Variants in CASP14 observed in about 807,000 individuals in gnomAD.
CASP14 encodes caspase 14, also known as caspase-14.
In CASP14, 27 loss-of-function variants were observed where a neutral mutation model predicts 28.4. That is an observed-to-expected ratio of 0.95 (90% CI 0.70 to 1.31). CASP14 has a LOEUF of 1.31. Among genes scored for constraint, CASP14 ranks in the 50% most tolerant of loss-of-function variants. The probability of loss-of-function intolerance (pLI) is 0.00; values close to 1 mark genes in which losing one functional copy is unlikely to be tolerated. For synonymous variants in CASP14, 115 were observed against 118.6 expected (o/e 0.97, Z 0.20); for missense variants, 323 against 312.8 (o/e 1.03, Z -0.25).
At position 15,053,113 on chromosome 19, in the gene CASP14, G is replaced by T. The variant is rs558847319; in HGVS notation, c.28-369G>T. Among the ~76,000 whole-genome samples, 16 of 152,084 alleles carry T rather than the reference G, an allele frequency of 1.1e-4. No individual in the cohort carries two copies. In the East Asian group the frequency reaches 2.9e-3, roughly 28 times the overall value. On this transcript the variant is annotated intron_variant, in intron 2 of 6. Coordinates refer to ENST00000427043, the MANE Select transcript of CASP14 (RefSeq NM_012114.3). ...CCTAAGCCCAAGCCTCTCTTGTTTT[G>T]TTTGTTCATTTTTGAGACAGGGTCT...
intron 1 of CASP14, among the ~76,000 whole-genome samples, chr19:15,051,944 C>A (rs2158467): frequency 2.6e-5 from 4 of 151,386 alleles, no homozygotes; most frequent in African/African-American, 9.7e-5. Flanking sequence ...TTTTTGGGGG[C>A]GGAGTGGGGG....
chr19:15,050,307 TGA>T (rs145185856), intron 1 of CASP14, among the ~76,000 whole-genome samples: 53,452 of 133,456 alleles, frequency 0.4, 9,568 homozygotes, highest in Middle Eastern at 0.43. Flanking sequence ...TGTGTGTGTG[TGA>T]GTGTGTGTGT....
At chr19:15,055,943 A>T in intron 6 of CASP14, 42 bp from the exon 7 acceptor site, 1 of 1,516,012 alleles carries the variant, frequency 6.6e-7, no homozygotes, top group Non-Finnish European at 9.0e-7. Context: ...CCATAAGTCC[A>T]TGACACTGAC....
chr19:15,056,969 A>T lies in CASP14; in HGVS notation c.*880A>T, dbSNP rs1430929242. ...TGACTTCCAGCCCAGCCTCTTTTCC[A>T]CAACCTGCTAAATCCTGATCCATCT... On this transcript the variant is annotated 3_prime_UTR_variant, in exon 7 of 7. Coordinates refer to ENST00000427043, the MANE Select transcript of CASP14 (RefSeq NM_012114.3). 1 of 152,184 alleles carries T rather than the reference A, an allele frequency of 6.6e-6. No individual in the cohort carries two copies. Among genetic ancestry groups the T allele is most frequent in the Non-Finnish European group, 1.5e-5 (1 of 68,018 alleles). 9.4% of individuals were successfully genotyped at this position (152,184 alleles called of 1,614,324 possible).
At position 15,051,472 on chromosome 19, in the gene CASP14, C is replaced by G. The variant is rs547137291; in HGVS notation, c.-46-734C>G. On this transcript the variant is annotated intron_variant, in intron 1 of 6. Coordinates refer to ENST00000427043, the MANE Select transcript of CASP14 (RefSeq NM_012114.3). ...CGAGATCATGCCACTGCACCCCAGA[C>G]AGCCTGGGTGACAGAGTGAGATTCT... Among the ~76,000 whole-genome samples the G allele has an allele frequency of 7.7e-5, 10 of 130,580 alleles. No homozygotes were observed. The East Asian group carries it at 2.2e-3, about 29-fold the overall frequency. 85.7% of individuals were successfully genotyped at this position (130,580 alleles called of 152,430 possible).
chr19:15,052,601 A>G (rs1245011835), intron 2 of CASP14, among the ~76,000 whole-genome samples: 1 of 152,210 alleles, frequency 6.6e-6, no homozygotes, highest in Non-Finnish European at 1.5e-5. Context: ...TGGGGTGCTC[A>G]GTACGCTGCT....
intron 2 of CASP14, 74 bp from the exon 3 acceptor site, chr19:15,053,408 T>C (rs1448795633): frequency 6.3e-7 from 1 of 1,581,548 alleles, no homozygotes; most frequent in Middle Eastern, 1.8e-4. Flanking sequence ...ACACCCAGCC[T>C]GCATGCCTCT....
intron 6 of CASP14, 121 bp downstream of exon 6, chr19:15,055,654 A>C: frequency 1.0e-5 from 7 of 685,896 alleles, no homozygotes; most frequent in East Asian, 5.4e-5. Flanking sequence ...GCCAGATCTC[A>C]ATACAGAAAC....
In CASP14 at chr19:15,055,215, A is replaced by G. The variant is rs1423438926; in HGVS notation, c.461A>G (p.Asp154Gly). ...GATGAGATTGTGATGGTCATCAAAG[A>G]CAGCCCACAAACCATCCCAACATAC... is the stretch of plus-strand genomic sequence containing the variant. The part of the protein sequence containing the change: ...GGDEIVMVIK[D>G]SPQTIPTYTD... The change falls in exon 5 of 7, where the codon GAC (aspartate) becomes GGC (glycine). Residue 154 changes from aspartate to glycine, a missense_variant. Asp to Gly is a moderately conservative substitution (Grantham distance 94, BLOSUM62 -1). Transcript: ENST00000427043. The G allele has an allele frequency of 1.2e-6, 2 of 1,613,340 alleles. No homozygotes were observed. The highest frequency in any genetic ancestry group is 1.3e-5 in the African/African-American group (1 of 74,888).
In CASP14 at chr19:15,055,150, T is replaced by C; in HGVS notation, c.404-8T>C. The C allele has an allele frequency of 1.2e-6, 2 of 1,611,892 alleles. No individual in the cohort carries two copies. The highest frequency in any genetic ancestry group is 1.7e-6 in the Non-Finnish European group (2 of 1,177,988). On this transcript the variant is annotated splice_polypyrimidine_tract_variant and splice_region_variant and intron_variant, in intron 4 of 6. Transcript: ENST00000427043. ...TGACTTTGCCTCCTCCTCTTCTTGT[T>C]GTTTCAGAACAAAGGGACCCCGGTG...
rs552598273 is a variant in CASP14, at chr19:15,053,916, C to T, written c.361C>T (p.Arg121Ter). 14 of 1,614,028 alleles carry T rather than the reference C, an allele frequency of 8.7e-6. No individual in the cohort carries two copies. The highest frequency in any genetic ancestry group is 8.3e-5 in the Admixed American group (5 of 60,016). ...ALNNKNCQAL[R>*]AKPKVYIIQA... ...GAACAACAAGAACTGCCAGGCCCTG[C>T]GAGCTAAGCCCAAGGTGTACATCAT... Residue 121 changes from arginine to a stop codon, truncating the protein, a stop_gained, in exon 4 of 7, where the codon CGA becomes TGA. Transcript: ENST00000427043. LOFTEE classifies it high-confidence loss of function.
intron 4 of CASP14, 195 bp from the exon 5 acceptor site, chr19:15,054,963 G>A (rs557602899): frequency 2.0e-5 from 11 of 552,894 alleles, no homozygotes; most frequent in Middle Eastern, 4.8e-4. Context: ...TTTAAGAGGC[G>A]ACATCTCGCT....
chr19:15,057,507 C>T lies in CASP14; in HGVS notation c.*1418C>T, dbSNP rs1327859316. 1 of 152,542 alleles carries T rather than the reference C, an allele frequency of 6.6e-6. No individual in the cohort carries two copies. The highest frequency in any genetic ancestry group is 1.5e-5 in the Non-Finnish European group (1 of 68,292). The allele number at this position is 152,542 out of a possible 1,614,324, so 9.4% of individuals were successfully genotyped here. On this transcript the variant is annotated 3_prime_UTR_variant, in exon 7 of 7. Coordinates refer to ENST00000427043, the MANE Select transcript of CASP14 (RefSeq NM_012114.3). Reference sequence around the variant, plus strand: ...ACCAACTTCCTCCCTTGCCTCTCTGCTTTTCCATCCCACTTTTCATGTGTC... The same window carrying T: ...ACCAACTTCCTCCCTTGCCTCTCTGTTTTTCCATCCCACTTTTCATGTGTC...
intron 4 of CASP14, among the ~76,000 whole-genome samples, chr19:15,054,406 C>G (rs1357742200): frequency 7.9e-5 from 12 of 152,118 alleles, no homozygotes; most frequent in Admixed American, 7.9e-4. Flanking sequence ...TAACAAGAAC[C>G]CAGCTCTATG....
rs541409516 is a variant in CASP14 at position 15,053,777 on chromosome 19, C to A, written c.222C>A (p.Ser74=). ...ELEKFQQAID[S]REDPVSCAFV... Reference sequence around the variant, plus strand: ...AAAAATTCCAGCAGGCCATCGATTCCCGGGAAGATCCCGTCAGTTGTGCCT... The same window carrying A: ...AAAAATTCCAGCAGGCCATCGATTCACGGGAAGATCCCGTCAGTTGTGCCT... The change falls in exon 4 of 7, where the codon TCC becomes TCA. Residue 74 remains serine, a synonymous_variant. Coordinates refer to ENST00000427043, the MANE Select transcript of CASP14 (RefSeq NM_012114.3). 1.8e-5 allele frequency: 29 copies of A among 1,613,950 alleles called. No homozygotes were observed. The African/African-American group carries it at 2.9e-4, about 16-fold the overall frequency.
chr19:15,050,441 A>T (rs116238279), intron 1 of CASP14, among the ~76,000 whole-genome samples: 1 of 151,036 alleles, frequency 6.6e-6, no homozygotes, highest in Non-Finnish European at 1.5e-5. Context: ...TGCATAACAC[A>T]TAATAGATAC....
In CASP14 at chr19:15,050,720, GGATA is replaced by G. The variant is rs555003482; in HGVS notation, c.-47+1083_-47+1086del. Among the ~76,000 whole-genome samples, 296 of 152,096 alleles carry G rather than the reference GGATA, an allele frequency of 1.9e-3. 2 individuals are homozygous for G. The highest frequency in any genetic ancestry group is 2.8e-3 in the Admixed American group (43 of 15,276). ...TGAGTGGTTGGATGAATAAGTGGAT[GGATA>G]GATAGATGGATGGGTAGATAAATGG... On this transcript the variant is annotated intron_variant, in intron 1 of 6. Transcript: ENST00000427043.
At chr19:15,052,160 C>A in intron 1 of CASP14, 46 bp from the exon 2 acceptor site, 1 of 1,429,256 alleles carries the variant, frequency 7.0e-7, no homozygotes, top group South Asian at 1.3e-5. Context: ...CTGAGCCCCT[C>A]GGCCTCCCTT....
chr19:15,054,872 C>G (rs1344880746), intron 4 of CASP14: 1 of 301,528 alleles, frequency 3.3e-6, no homozygotes, highest in Non-Finnish European at 6.4e-6. Context: ...AACTCCTGAC[C>G]TCAGGTGATC....
Sources: allele counts gnomAD v4.1 joint callset (sites outside exome capture counted in the v4.1 genomes callset), GRCh38; gene constraint gnomAD v4.1.1; transcripts MANE v1.5; gene names NCBI Gene and HGNC (gene_info 2026-07-23, HGNC 2026-07-21).